Variants in ALDH1L1 observed in about 807,000 individuals in gnomAD.
ALDH1L1 encodes aldehyde dehydrogenase 1 family member L1, also known as cytosolic 10-formyltetrahydrofolate dehydrogenase.
Under a neutral mutation model 101.1 loss-of-function variants are expected in ALDH1L1, and 68 were observed. That is an observed-to-expected ratio of 0.67 (90% CI 0.55 to 0.82). The LOEUF (loss-of-function observed/expected upper bound fraction) is 0.82, where lower values mean the gene tolerates loss of function less well. Ranked by LOEUF, ALDH1L1 falls within the 40% of genes least tolerant of loss-of-function variation. ALDH1L1 has a pLI of 0.00. For missense variants in ALDH1L1, 1,087 were observed against 1,172.7 expected (o/e 0.93, Z 1.07); for synonymous variants, 486 against 470.8 (o/e 1.03, Z -0.42).
intron 1 of ALDH1L1, among the ~76,000 whole-genome samples, chr3:126,191,221 A>C (rs2081551619): frequency 6.6e-6 from 1 of 152,204 alleles, no homozygotes; most frequent in African/African-American, 2.4e-5. Context: ...TTGCTGAAAA[A>C]TGCTGAATTT....
At position 126,160,886 on chromosome 3, in the gene ALDH1L1, C is replaced by G; in HGVS notation, c.94G>C (p.Val32Leu). 6.2e-7 allele frequency: 1 copy of G among 1,614,258 alleles called. No individual in the cohort carries two copies. Among genetic ancestry groups the G allele is most frequent in the Non-Finnish European group, 8.5e-7 (1 of 1,180,034 alleles). The change falls in exon 2 of 23, where the codon GTT (valine) becomes CTT (leucine). Residue 32 changes from valine to leucine, a missense_variant. Physicochemically the swap from Val to Leu is conservative, Grantham distance 32. Transcript: ENST00000393434. ...EGHEVVGVFT[V>L]PDKDGKADPL... ...TCGGCCTTTCCATCCTTGTCTGGAA[C>G]AGTGAACACACCCACCACTTCGTGG...
At chr3:126,184,706 G>C (rs1027170571), upstream of ALDH1L1, among the ~76,000 whole-genome samples, 2 of 152,214 alleles carry the variant, frequency 1.3e-5, no homozygotes, top group African/African-American at 2.4e-5. Flanking sequence ...TCTGTGAATG[G>C]GGGATGGGAT....
chr3:126,178,539 T>C (rs2081408998), intron 1 of ALDH1L1, among the ~76,000 whole-genome samples: 1 of 152,148 alleles, frequency 6.6e-6, no homozygotes, highest in African/African-American at 2.4e-5. Flanking sequence ...GTCTACTAAT[T>C]GAAATAAATA....
At chr3:126,174,926 G>A (rs113922603) in intron 1 of ALDH1L1, among the ~76,000 whole-genome samples, 228 of 152,154 alleles carry the variant, frequency 1.5e-3, no homozygotes, top group African/African-American at 4.9e-3. Context: ...AAAACATGCT[G>A]TCAATAGAGA....
At chr3:126,114,427 GT>G (rs1946171943) in intron 18 of ALDH1L1, 129 bp downstream of exon 18, 1 of 651,160 alleles carries the variant, frequency 1.5e-6, no homozygotes, top group African/African-American at 1.8e-5. Flanking sequence ...CGCTATGCTT[GT>G]GATGACGCTA....
At chr3:126,165,891 G>A (rs1308718483) in intron 1 of ALDH1L1, among the ~76,000 whole-genome samples, 2 of 151,958 alleles carry the variant, frequency 1.3e-5, no homozygotes, top group Non-Finnish European at 2.9e-5. Context: ...TGATTTCATT[G>A]ATCTTTTGTA....
At chr3:126,114,531 C>A in intron 18 of ALDH1L1, 26 bp downstream of exon 18, 1 of 1,481,692 alleles carries the variant, frequency 6.7e-7, no homozygotes, top group South Asian at 1.5e-5. Context: ...CTCACTGTCC[C>A]TGCCCCCTCC....
At chr3:126,171,966 G>GAT (rs754109543) in intron 1 of ALDH1L1, among the ~76,000 whole-genome samples, 1 of 152,188 alleles carries the variant, frequency 6.6e-6, no homozygotes, top group Non-Finnish European at 1.5e-5. Flanking sequence ...CTGCAAGCCA[G>GAT]AGCCTATTTA....
chr3:126,159,085 T>C (rs1370256793), intron 2 of ALDH1L1, among the ~76,000 whole-genome samples: 1 of 152,234 alleles, frequency 6.6e-6, no homozygotes, highest in Non-Finnish European at 1.5e-5. Flanking sequence ...CACTCCTTTC[T>C]GTCCAGTGGG....
At chr3:126,178,296 A>G (rs994203768) in intron 1 of ALDH1L1, among the ~76,000 whole-genome samples, 2 of 146,816 alleles carry the variant, frequency 1.4e-5, no homozygotes, top group African/African-American at 5.1e-5. Flanking sequence ...CATGAGAATC[A>G]CTTGAGCCCA....
At chr3:126,139,855 T>C (rs1212076944) in intron 9 of ALDH1L1, among the ~76,000 whole-genome samples, 3 of 151,890 alleles carry the variant, frequency 2.0e-5, no homozygotes, top group African/African-American at 7.3e-5. Context: ...AATTATCCAG[T>C]CTGAGAAGCA....
At chr3:126,113,361 C>T (rs1163965712) in intron 18 of ALDH1L1, among the ~76,000 whole-genome samples, 3 of 152,134 alleles carry the variant, frequency 2.0e-5, no homozygotes, top group Admixed American at 2.0e-4. Flanking sequence ...CAGGCAGCCC[C>T]GACATGGGTG....
chr3:126,177,069 G>T (rs989091030), intron 1 of ALDH1L1, among the ~76,000 whole-genome samples: 5 of 152,332 alleles, frequency 3.3e-5, no homozygotes, highest in Non-Finnish European at 5.9e-5. Flanking sequence ...TGCTGATGAG[G>T]CTGTGGAGCA....
chr3:126,193,565 C>A (rs1400680134), intron 1 of ALDH1L1, among the ~76,000 whole-genome samples: 1 of 152,200 alleles, frequency 6.6e-6, no homozygotes, highest in Non-Finnish European at 1.5e-5. Context: ...GCATGTCATT[C>A]AAAGCTTACA....
intron 8 of ALDH1L1, among the ~76,000 whole-genome samples, chr3:126,149,191 G>A (rs2080759022): frequency 6.6e-6 from 1 of 152,258 alleles, no homozygotes; most frequent in Non-Finnish European, 1.5e-5. Flanking sequence ...ACACACTCCA[G>A]AAGTATCTGC....
Position 126,105,721 on chromosome 3 carries a change from G to C in ALDH1L1, c.2653+5C>G. On this transcript the variant is annotated splice_donor_5th_base_variant and intron_variant, in intron 22 of 22. Coordinates refer to ENST00000393434, the MANE Select transcript of ALDH1L1 (RefSeq NM_012190.4). ...AAAGCAACCCCACAGGCAGGAGTAG[G>C]TTACCTAGATCTTTGCCAAATCCAG... is the stretch of plus-strand genomic sequence containing the variant. 3 of 1,614,222 alleles carry C rather than the reference G, an allele frequency of 1.9e-6. No individual in the cohort carries two copies. The highest frequency in any genetic ancestry group is 1.1e-5 in the South Asian group (1 of 91,084).
intron 8 of ALDH1L1, among the ~76,000 whole-genome samples, chr3:126,148,137 G>A (rs574239595): frequency 6.6e-6 from 1 of 152,260 alleles, no homozygotes; most frequent in South Asian, 2.1e-4. Context: ...AGATGAGAGT[G>A]GAGCCACAAA....
chr3:126,195,838 C>T lies in ALDH1L1; in HGVS notation c.-24+1897G>A, dbSNP rs547874944. Among the ~76,000 whole-genome samples the T allele has an allele frequency of 4.1e-4, 63 of 152,302 alleles. No homozygotes were observed. In the South Asian group the frequency reaches 4.8e-3, roughly 12 times the overall value. The stretch of plus-strand genomic sequence containing the variant: ...GGACATGGATGAAGCTGGAAACCAT[C>T]ATTCTCAGCAAACTATCGCAAGGAC... On this transcript the variant is annotated intron_variant, in intron 1 of 2. Transcript: ENST00000509952.
At chr3:126,154,348 C>T (rs1051332444) in intron 6 of ALDH1L1, among the ~76,000 whole-genome samples, 2 of 152,238 alleles carry the variant, frequency 1.3e-5, no homozygotes, top group Non-Finnish European at 2.9e-5. Context: ...TCCAGCTACG[C>T]AGGACATCTA....
Sources: allele counts gnomAD v4.1 joint callset (sites outside exome capture counted in the v4.1 genomes callset), GRCh38; gene constraint gnomAD v4.1.1; transcripts MANE v1.5; gene names NCBI Gene and HGNC (gene_info 2026-07-23, HGNC 2026-07-21).